Variants in VPS13B observed in about 807,000 individuals in gnomAD.
VPS13B encodes vacuolar protein sorting 13 homolog B.
A neutral mutation model predicts 426.4 loss-of-function variants in VPS13B; 285 were observed. That is an observed-to-expected ratio of 0.67 (90% CI 0.61 to 0.74). The LOEUF (loss-of-function observed/expected upper bound fraction) is 0.74, where lower values mean the gene tolerates loss of function less well. Ranked by LOEUF, VPS13B falls within the 30% of genes least tolerant of loss-of-function variation. VPS13B has a pLI of 0.00. For missense variants in VPS13B, 4,537 were observed against 4,782.6 expected (o/e 0.95, Z 1.51); for synonymous variants, 1,676 against 1,676.4 (o/e 1.00, Z 0.01).
intron 35 of VPS13B, chr8:99,697,710 G>C: frequency 4.8e-6 from 3 of 630,724 alleles, no homozygotes; most frequent in Non-Finnish European, 6.0e-6. Flanking sequence ...AGATGGACCA[G>C]GGCCTGCAAG....
chr8:99,275,453 A>T (rs758026951), intron 19 of VPS13B, among the ~76,000 whole-genome samples, 199 bp downstream of exon 19: 20 of 151,772 alleles, frequency 1.3e-4, no homozygotes, highest in Non-Finnish European at 5.9e-5. Flanking sequence ...ATAAATAATG[A>T]TTTTATTTAT....
chr8:99,499,627 A>G (rs891408156), intron 25 of VPS13B, among the ~76,000 whole-genome samples: 3 of 152,158 alleles, frequency 2.0e-5, no homozygotes, highest in African/African-American at 7.2e-5. Flanking sequence ...CAGCTAACCA[A>G]AAACCTGATT....
chr8:99,734,082 G>T (rs976455716), intron 39 of VPS13B, among the ~76,000 whole-genome samples: 1 of 152,100 alleles, frequency 6.6e-6, no homozygotes, highest in Non-Finnish European at 1.5e-5. Flanking sequence ...CTATATATCT[G>T]CCTATTCTGG....
rs539991801 is a variant in VPS13B at position 99,248,258 on chromosome 8, A to C, written c.2516-25940A>C. Among the ~76,000 whole-genome samples the C allele has an allele frequency of 4.7e-4, 72 of 152,332 alleles. 1 individual carries two copies. The highest frequency in any genetic ancestry group is 1.0e-3 in the Admixed American group (16 of 15,306). ...GGCTGGGTTACGAAAGACTTTTTTC[A>C]GGGAAAGAGGAAAAAATTTCTTGTT... On this transcript the variant is annotated intron_variant, in intron 17 of 61. Transcript: ENST00000357162.
At chr8:99,620,006 A>G (rs558956347) in intron 33 of VPS13B, among the ~76,000 whole-genome samples, 3 of 152,008 alleles carry the variant, frequency 2.0e-5, no homozygotes, top group Non-Finnish European at 4.4e-5. Context: ...GAAATTATAA[A>G]CAATAAGTGA....
intron 33 of VPS13B, among the ~76,000 whole-genome samples, chr8:99,598,098 A>G (rs761012949): frequency 8.5e-5 from 13 of 152,062 alleles, no homozygotes. Context: ...TGCTTTGAAT[A>G]TCAGATTGAA....
intron 21 of VPS13B, among the ~76,000 whole-genome samples, chr8:99,412,556 C>A (rs997114866): frequency 6.6e-6 from 1 of 152,088 alleles, no homozygotes; most frequent in East Asian, 1.9e-4. Context: ...CATGAATACC[C>A]TTTATTTCTT....
intron 36 of VPS13B, among the ~76,000 whole-genome samples, chr8:99,708,449 T>A (rs929540120): frequency 1.3e-5 from 2 of 152,180 alleles, no homozygotes; most frequent in Non-Finnish European, 2.9e-5. Context: ...TCCTTTTTTT[T>A]ATGGGAAAGA....
intron 6 of VPS13B, among the ~76,000 whole-genome samples, chr8:99,113,657 C>T (rs1045776418): frequency 2.0e-5 from 3 of 152,090 alleles, no homozygotes; most frequent in East Asian, 3.8e-4. Flanking sequence ...CTCTGCCTCC[C>T]GGGTTCAAGT....
chr8:99,191,585 T>C (rs1267607495), intron 16 of VPS13B, among the ~76,000 whole-genome samples: 1 of 151,848 alleles, frequency 6.6e-6, no homozygotes, highest in Non-Finnish European at 1.5e-5. Context: ...GGTTTCACCA[T>C]GTTGGTCAGG....
chr8:99,841,696 G>C (rs1815692755), intron 54 of VPS13B, among the ~76,000 whole-genome samples: 1 of 152,050 alleles, frequency 6.6e-6, no homozygotes, highest in Non-Finnish European at 1.5e-5. Context: ...CTTTCTCTCT[G>C]ATCCTCCACA....
rs144236590 is a variant in VPS13B at position 99,651,035 on chromosome 8, C to T, written c.5908+8537C>T. 1.1e-4 allele frequency among the ~76,000 whole-genome samples: 17 copies of T among 152,072 alleles called. No homozygotes were observed. The East Asian group carries it at 2.9e-3, about 26-fold the overall frequency. ...ATATAAATAGGCTATAATGCAAATACCAGGTCATTTTATATCAGGGACTGG... is the reference window on the plus strand; with the variant it reads ...ATATAAATAGGCTATAATGCAAATATCAGGTCATTTTATATCAGGGACTGG... On this transcript the variant is annotated intron_variant, in intron 34 of 61. Transcript: ENST00000357162.
chr8:99,405,764 C>G (rs1815289791), intron 21 of VPS13B, among the ~76,000 whole-genome samples: 1 of 151,544 alleles, frequency 6.6e-6, no homozygotes, highest in East Asian at 1.9e-4. Context: ...TTCTTATATA[C>G]TTCATCCTTT....
intron 43 of VPS13B, among the ~76,000 whole-genome samples, chr8:99,798,170 G>T (rs1588720098): frequency 6.7e-6 from 1 of 150,126 alleles, no homozygotes; most frequent in African/African-American, 2.5e-5. Flanking sequence ...AGGAACTACC[G>T]TCCAGCCGCC....
chr8:99,271,261 A>ACC (rs1381268494), intron 17 of VPS13B, among the ~76,000 whole-genome samples: 3 of 151,916 alleles, frequency 2.0e-5, no homozygotes, highest in Non-Finnish European at 4.4e-5. Flanking sequence ...TGATGATTGT[A>ACC]TTAGCATTTT....
chr8:99,733,996 C>A (rs1379099343), intron 39 of VPS13B, among the ~76,000 whole-genome samples: 2 of 152,126 alleles, frequency 1.3e-5, no homozygotes, highest in Non-Finnish European at 2.9e-5. Context: ...CAAAAAGAAA[C>A]TTAGGACTCT....
At chr8:99,819,707 C>G in intron 48 of VPS13B, 125 bp downstream of exon 48, 1 of 1,244,440 alleles carries the variant, frequency 8.0e-7, no homozygotes, top group Non-Finnish European at 1.1e-6. Flanking sequence ...CTTTTATCAT[C>G]TAGTAGGTGT....
intron 17 of VPS13B, among the ~76,000 whole-genome samples, chr8:99,225,245 A>G (rs1588153782): frequency 6.6e-6 from 1 of 151,914 alleles, no homozygotes; most frequent in African/African-American, 2.4e-5. Flanking sequence ...AAAACTCACT[A>G]TATTCAGAAG....
intron 2 of VPS13B, 96 bp downstream of exon 2, chr8:99,014,031 G>GT (rs1292637429): frequency 6.5e-7 from 1 of 1,537,990 alleles, no homozygotes; most frequent in African/African-American, 1.4e-5. Context: ...CTGTAAAAAC[G>GT]TAACTTTTCT....
Sources: allele counts gnomAD v4.1 joint callset (sites outside exome capture counted in the v4.1 genomes callset), GRCh38; gene constraint gnomAD v4.1.1; transcripts MANE v1.5; gene names NCBI Gene and HGNC (gene_info 2026-07-23, HGNC 2026-07-21).